ZNRF3: variants seen among roughly 807,000 people sequenced by gnomAD.
ZNRF3 encodes zinc and ring finger 3.
A neutral mutation model predicts 72.5 loss-of-function variants in ZNRF3; 23 were observed. That is an observed-to-expected ratio of 0.32 (90% CI 0.23 to 0.45). ZNRF3 has a LOEUF of 0.45. Ranked by LOEUF, ZNRF3 falls within the 20% of genes least tolerant of loss-of-function variation. The pLI, the probability that ZNRF3 is intolerant of heterozygous loss-of-function variation, is 1.00. For synonymous variants in ZNRF3, 610 were observed against 545.3 expected (o/e 1.12, Z -1.65); for missense variants, 1,169 against 1,272.1 (o/e 0.92, Z 1.23).
intron 2 of ZNRF3, among the ~76,000 whole-genome samples, chr22:28,991,795 A>G (rs957716408): frequency 6.6e-6 from 1 of 152,028 alleles, no homozygotes; most frequent in African/African-American, 2.4e-5. Flanking sequence ...TGCTTCATCA[A>G]TGTTGGTTTC....
intron 1 of ZNRF3, among the ~76,000 whole-genome samples, chr22:28,939,663 ACT>A (rs1270434871): frequency 1.3e-5 from 2 of 149,582 alleles, no homozygotes; most frequent in Non-Finnish European, 3.0e-5. Flanking sequence ...CTCTGCAAGT[ACT>A]GTTTCTCGGA....
chr22:29,036,871 C>T (rs1209156560), intron 2 of ZNRF3, among the ~76,000 whole-genome samples: 1 of 151,964 alleles, frequency 6.6e-6, no homozygotes, highest in Non-Finnish European at 1.5e-5. Flanking sequence ...AACTTAGAAG[C>T]TTATGATAAA....
At chr22:28,922,250 A>G (rs2034524457) in intron 1 of ZNRF3, among the ~76,000 whole-genome samples, 1 of 152,194 alleles carries the variant, frequency 6.6e-6, no homozygotes, top group Non-Finnish European at 1.5e-5. Context: ...GGTTACTTGA[A>G]TGAATCAGGG....
intron 1 of ZNRF3, among the ~76,000 whole-genome samples, chr22:28,886,942 C>T (rs1448769830): frequency 1.3e-5 from 2 of 151,956 alleles, no homozygotes; most frequent in African/African-American, 4.8e-5. Context: ...GACAACAGAG[C>T]GAGACACTCT....
At chr22:28,974,699 G>A (rs138619978) in intron 1 of ZNRF3, among the ~76,000 whole-genome samples, 2 of 151,900 alleles carry the variant, frequency 1.3e-5, no homozygotes, top group African/African-American at 2.4e-5. Context: ...AGGCTGGCGC[G>A]CCATGGCCAG....
At position 28,885,259 on chromosome 22, in the gene ZNRF3, G is replaced by A. The variant is rs533979378; in HGVS notation, c.300+1193G>A. On this transcript the variant is annotated intron_variant, in intron 1 of 8. Transcript: ENST00000544604. ...TAGGACAGGGAGAGCTGTGCAGCTT[G>A]ACTCCGTAGAGGTGTGCCCTTACAA... 1.0e-3 allele frequency among the ~76,000 whole-genome samples: 154 copies of A among 152,224 alleles called. 2 individuals are homozygous for A. Among genetic ancestry groups the A allele is most frequent in the Non-Finnish European group, 1.7e-3 (115 of 68,008 alleles).
At chr22:28,970,485 T>C (rs1000212652) in intron 1 of ZNRF3, among the ~76,000 whole-genome samples, 2 of 152,234 alleles carry the variant, frequency 1.3e-5, no homozygotes, top group Non-Finnish European at 2.9e-5. Context: ...ACACCTACCA[T>C]GTGACCCAGG....
chr22:28,928,771 C>T (rs1461718676), intron 1 of ZNRF3, among the ~76,000 whole-genome samples: 1 of 152,128 alleles, frequency 6.6e-6, no homozygotes, highest in African/African-American at 2.4e-5. Context: ...GCTGGGATTA[C>T]AGGCGTGAGC....
intron 1 of ZNRF3, among the ~76,000 whole-genome samples, chr22:28,910,422 C>T (rs1360227889): frequency 2.0e-5 from 3 of 152,182 alleles, no homozygotes; most frequent in African/African-American, 7.2e-5. Context: ...AGGACGTAAG[C>T]AGTCTTGGCC....
intron 2 of ZNRF3, chr22:29,018,088 G>A (rs908429449): frequency 9.7e-6 from 5 of 518,078 alleles, no homozygotes; most frequent in African/African-American, 3.9e-5. Context: ...AGGGGAGGGC[G>A]GACGGGCAGA....
At chr22:28,978,606 C>A (rs2035714085) in intron 1 of ZNRF3, among the ~76,000 whole-genome samples, 1 of 152,144 alleles carries the variant, frequency 6.6e-6, no homozygotes, top group African/African-American at 2.4e-5. Context: ...TCCAGCAGTG[C>A]ATAAAATTTT....
chr22:28,973,490 G>T (rs912294162), intron 1 of ZNRF3, among the ~76,000 whole-genome samples: 1 of 152,092 alleles, frequency 6.6e-6, no homozygotes, highest in African/African-American at 2.4e-5. Context: ...TTCAGATGAG[G>T]TTACATGACT....
intron 1 of ZNRF3, among the ~76,000 whole-genome samples, chr22:28,982,918 G>C (rs1451963213): frequency 6.6e-6 from 1 of 152,150 alleles, no homozygotes; most frequent in African/African-American, 2.4e-5. Context: ...GGTCAAAGGA[G>C]CCTGTTAGAT....
intron 1 of ZNRF3, among the ~76,000 whole-genome samples, chr22:28,891,332 G>C (rs1359387510): frequency 6.6e-6 from 1 of 152,190 alleles, no homozygotes; most frequent in Non-Finnish European, 1.5e-5. Flanking sequence ...CAGATGCAGG[G>C]CATGCTTTAT....
At chr22:29,010,193 G>A (rs2036325391) in intron 2 of ZNRF3, among the ~76,000 whole-genome samples, 1 of 151,982 alleles carries the variant, frequency 6.6e-6, no homozygotes, top group Non-Finnish European at 1.5e-5. Context: ...ACAGACATGA[G>A]CCACCGCACC....
chr22:28,895,567 T>C (rs1032067310), intron 1 of ZNRF3, among the ~76,000 whole-genome samples: 5 of 151,998 alleles, frequency 3.3e-5, no homozygotes, highest in African/African-American at 9.7e-5. Flanking sequence ...CTCGGGAGGC[T>C]GAGGCAGGAG....
chr22:28,986,614 C>T (rs1001286270), intron 1 of ZNRF3: 10 of 985,214 alleles, frequency 1.0e-5, no homozygotes, highest in South Asian at 4.7e-5. Context: ...GCATAGAGTC[C>T]GGGATGTGTT....
intron 1 of ZNRF3, among the ~76,000 whole-genome samples, chr22:28,927,622 G>A (rs1258047064): frequency 1.3e-5 from 2 of 152,212 alleles, no homozygotes; most frequent in South Asian, 2.1e-4. Context: ...GTCTTTTAGA[G>A]TAGAAGCAGC....
chr22:28,946,514 G>T (rs1338997368), intron 1 of ZNRF3, among the ~76,000 whole-genome samples: 5 of 152,300 alleles, frequency 3.3e-5, no homozygotes, highest in Non-Finnish European at 5.9e-5. Context: ...TTTGGGAATT[G>T]GTGTTTGGAC....
Sources: allele counts gnomAD v4.1 joint callset (sites outside exome capture counted in the v4.1 genomes callset), GRCh38; gene constraint gnomAD v4.1.1; transcripts MANE v1.5; gene names NCBI Gene and HGNC (gene_info 2026-07-23, HGNC 2026-07-21).